The following PADI1 variants were observed in gnomAD, a reference collection of about 807,000 sequenced individuals.
PADI1 encodes protein-arginine deiminase type-1.
PADI1 carries 65 observed loss-of-function variants against 74.8 expected under a neutral mutation model. The observed-to-expected ratio is 0.87, with a 90% CI of 0.71 to 1.07. The LOEUF is 1.07. Ranked by LOEUF, PADI1 falls within the 50% of genes least tolerant of loss-of-function variation. The probability of loss-of-function intolerance (pLI) is 0.00; values close to 1 mark genes in which losing one functional copy is unlikely to be tolerated. For synonymous variants in PADI1, 371 were observed against 336.2 expected (o/e 1.10, Z -1.13); for missense variants, 943 against 854.0 (o/e 1.10, Z -1.30).
intron 12 of PADI1, among the ~76,000 whole-genome samples, chr1:17,237,801 C>T (rs942266231): frequency 1.3e-5 from 2 of 152,170 alleles, no homozygotes; most frequent in East Asian, 3.8e-4. Flanking sequence ...ATTTTACAAG[C>T]GAGGAAATTG....
chr1:17,228,672 C>G lies in PADI1; in HGVS notation c.700C>G (p.Leu234Val), dbSNP rs1449092709. Reference sequence around the variant, plus strand: ...CAAACAGGTGCTGGGGCCCCAGTGTCTGTCCTATGAAGTTGAGCGACAGCC... The same window carrying G: ...CAAACAGGTGCTGGGGCCCCAGTGTGTGTCCTATGAAGTTGAGCGACAGCC... ...DYKQVLGPQC[L>V]SYEVERQPGE... is the part of the protein sequence containing the mutation. Residue 234 changes from leucine (L) to valine (V), a missense_variant, in exon 7 of 16, where the codon CTG (leucine) becomes GTG (valine). Transcript: ENST00000375471. The G allele has an allele frequency of 2.5e-6, 4 of 1,614,050 alleles. No individual in the cohort carries two copies. Among genetic ancestry groups the G allele is most frequent in the Non-Finnish European group, 3.4e-6 (4 of 1,180,024 alleles).
intron 1 of PADI1, among the ~76,000 whole-genome samples, chr1:17,215,931 G>A (rs1056944291): frequency 2.0e-5 from 3 of 152,224 alleles, no homozygotes; most frequent in Non-Finnish European, 4.4e-5. Context: ...TGGGGTTGGG[G>A]AACCAGACTC....
intron 3 of PADI1, 26 bp downstream of exon 3, chr1:17,223,719 A>G (rs2072229447): frequency 3.1e-6 from 5 of 1,595,920 alleles, no homozygotes; most frequent in Non-Finnish European, 4.3e-6. Flanking sequence ...CTGGCTGCCC[A>G]TCTATCCCTT....
intron 6 of PADI1, 86 bp downstream of exon 6, chr1:17,226,244 C>G (rs2072308741): frequency 1.4e-6 from 2 of 1,463,038 alleles, no homozygotes; most frequent in South Asian, 2.4e-5. Context: ...TTTTCCATCA[C>G]CTTTTTGTAA....
rs779430177 is a variant in PADI1, at chr1:17,230,689, G to A, written c.1161+10G>A. The A allele has an allele frequency of 5.0e-5, 76 of 1,509,682 alleles. No individual in the cohort carries two copies. The highest frequency in any genetic ancestry group is 6.4e-5 in the Non-Finnish European group (70 of 1,089,766). The allele number at this position is 1,509,682 out of a possible 1,614,324, so 93.5% of individuals were successfully genotyped here. ...CTATAAGAGGATCCTGGTACGTAGC[G>A]ACAGGTAGAGTGCAGAAACCCTGGT... On this transcript the variant is annotated intron_variant, in intron 10 of 15. Transcript: ENST00000375471.
intron 1 of PADI1, among the ~76,000 whole-genome samples, chr1:17,214,882 G>T (rs767925711): frequency 1.3e-5 from 2 of 152,238 alleles, no homozygotes; most frequent in South Asian, 4.1e-4. Context: ...CAAAGGCAGC[G>T]CAGGGCTCAC....
intron 11 of PADI1, among the ~76,000 whole-genome samples, chr1:17,235,193 G>A (rs2072601112): frequency 1.5e-5 from 2 of 135,656 alleles, no homozygotes; most frequent in African/African-American, 2.7e-5. Flanking sequence ...AGGAAAGAAG[G>A]AAGGAAGGGA....
At chr1:17,236,178 C>T (rs2100514690) in intron 11 of PADI1, among the ~76,000 whole-genome samples, 1 of 152,328 alleles carries the variant, frequency 6.6e-6, no homozygotes, top group East Asian at 1.9e-4. Flanking sequence ...GACAACCAAA[C>T]ATTCCAGCAG....
At chr1:17,236,966 C>A (rs1557480764) in intron 11 of PADI1, among the ~76,000 whole-genome samples, 1 of 152,166 alleles carries the variant, frequency 6.6e-6, no homozygotes, top group Non-Finnish European at 1.5e-5. Context: ...GGCCTGGAGC[C>A]AAGTGAGCAA....
At chr1:17,240,214 G>A (rs893604282) in intron 14 of PADI1, 1 of 236,172 alleles carries the variant, frequency 4.2e-6, no homozygotes, top group Non-Finnish European at 8.4e-6. Flanking sequence ...GATAAAAAAT[G>A]CCTGCCCCAT....
chr1:17,244,410 C>T lies in PADI1; in HGVS notation c.*167C>T, dbSNP rs527403795. The T allele has an allele frequency of 2.4e-5, 17 of 697,942 alleles. No homozygotes were observed. The highest frequency in any genetic ancestry group is 9.0e-5 in the South Asian group (6 of 66,810). 43.2% of individuals were successfully genotyped at this position (697,942 alleles called of 1,614,324 possible). On this transcript the variant is annotated 3_prime_UTR_variant, in exon 16 of 16. Transcript: ENST00000375471. ...CACAGGGATGGATACCACCTACCCT[C>T]GCCTCTGGAATGGCCTACCCAACCC...
intron 1 of PADI1, among the ~76,000 whole-genome samples, chr1:17,206,683 C>CTTTTTTTTTTTTTTTTT (rs796276122): frequency 1.2e-4 from 13 of 109,766 alleles, no homozygotes; most frequent in Non-Finnish European, 2.3e-4. Flanking sequence ...TTTTCTTTTT[C>CTTTTTTTTTTTTTTTTT]TTTTTTTTTT....
chr1:17,225,731 GC>G, intron 4 of PADI1, 79 bp from the exon 5 acceptor site: 1 of 894,542 alleles, frequency 1.1e-6, no homozygotes, highest in South Asian at 1.4e-5. Flanking sequence ...TAATAAAGCA[GC>G]CCGCCCTGGC....
chr1:17,214,551 C>A (rs959585303), intron 1 of PADI1, among the ~76,000 whole-genome samples: 1 of 152,124 alleles, frequency 6.6e-6, no homozygotes, highest in Non-Finnish European at 1.5e-5. Context: ...TGGGGACATG[C>A]CAGTACTGCA....
rs544047000 is a variant in PADI1 at position 17,236,196 on chromosome 1, C to T, written c.1314-1118C>T. Among the ~76,000 whole-genome samples the T allele has an allele frequency of 1.2e-3, 184 of 152,298 alleles. 1 individual carries two copies. The highest frequency in any genetic ancestry group is 4.3e-3 in the African/African-American group (178 of 41,554). ...AACCAAACATTCCAGCAGAGAGAAA[C>T]AGACAATAAGTGAACAAAACAAATA... On this transcript the variant is annotated intron_variant, in intron 11 of 15. Coordinates refer to ENST00000375471, the MANE Select transcript of PADI1 (RefSeq NM_013358.3).
chr1:17,227,727 A>T (rs1051879753), intron 6 of PADI1, among the ~76,000 whole-genome samples: 2 of 152,148 alleles, frequency 1.3e-5, no homozygotes, highest in Non-Finnish European at 2.9e-5. Flanking sequence ...CAGGAGCCAG[A>T]ATGTTCCCTC....
rs538333781 is a variant in PADI1, at chr1:17,244,089, A to G, written c.1838A>G (p.Glu613Gly). ...ATCATCAATGGCCGCTGCTGCCTGG[A>G]GGAGAAGGTGCAGTCCCTGCTGGAG... ...GPIINGRCCL[E>G]EKVQSLLEPL... Residue 613 changes from glutamate to glycine, a missense_variant, in exon 16 of 16, where the codon GAG becomes GGG. Physicochemically the swap from Glu to Gly is moderately conservative, Grantham distance 98 (BLOSUM62 -2). Coordinates refer to ENST00000375471, the MANE Select transcript of PADI1 (RefSeq NM_013358.3). 1.2e-6 allele frequency: 2 copies of G among 1,614,216 alleles called. No individual in the cohort carries two copies. Among genetic ancestry groups the G allele is most frequent in the Non-Finnish European group, 1.7e-6 (2 of 1,180,032 alleles).
At chr1:17,240,485 A>G in intron 14 of PADI1, 150 bp from the exon 15 acceptor site, 1 of 794,114 alleles carries the variant, frequency 1.3e-6, no homozygotes, top group Non-Finnish European at 2.0e-6. Context: ...TTTCCCCCGG[A>G]CAGCAATGGT....
At position 17,225,944 on chromosome 1, in the gene PADI1, T is replaced by G. The variant is rs1557466119; in HGVS notation, c.526+16T>G. The G allele has an allele frequency of 6.2e-7, 1 of 1,612,600 alleles. No homozygotes were observed. Among genetic ancestry groups the G allele is most frequent in the East Asian group, 2.2e-5 (1 of 44,766 alleles). On this transcript the variant is annotated intron_variant, in intron 5 of 15. Coordinates refer to ENST00000375471, the MANE Select transcript of PADI1 (RefSeq NM_013358.3). ...TCGCTGGCTGGTGAGTGACACAAGGTGTTGTCTGGGGAGTGGGGAAGGGGG... is the reference window on the plus strand; with the variant it reads ...TCGCTGGCTGGTGAGTGACACAAGGGGTTGTCTGGGGAGTGGGGAAGGGGG...
Sources: gnomAD v4.1 joint callset for allele counts (sites outside exome capture counted in the v4.1 genomes callset) on GRCh38, gnomAD v4.1.1 for gene constraint, MANE v1.5 for transcripts, NCBI Gene and HGNC (gene_info 2026-07-23, HGNC 2026-07-21) for gene names.